FBXO36: variants seen among roughly 807,000 people sequenced by gnomAD.
FBXO36 encodes F-box protein 36.
FBXO36 carries 18 observed loss-of-function variants against 17.0 expected under a neutral mutation model. The observed-to-expected ratio is 1.06, with a 90% CI of 0.73 to 1.57. The LOEUF (loss-of-function observed/expected upper bound fraction) is 1.57, where lower values mean the gene tolerates loss of function less well. Ranked by LOEUF, FBXO36 falls within the 40% of genes most tolerant of loss-of-function variation. The probability of loss-of-function intolerance (pLI) is 0.00; values close to 1 mark genes in which losing one functional copy is unlikely to be tolerated. For synonymous variants in FBXO36, 83 were observed against 85.3 expected, an observed-to-expected ratio of 0.97 and a Z score of 0.15; for missense variants, 229 against 221.9, an observed-to-expected ratio of 1.03 and a Z score of -0.20.
intron 1 of FBXO36, among the ~76,000 whole-genome samples, chr2:229,940,680 G>A (rs1161532575): frequency 6.6e-6 from 1 of 152,180 alleles, no homozygotes; most frequent in African/African-American, 2.4e-5. Context: ...AGAAAGCCAT[G>A]TGATGATGAA....
rs2106221680 is a variant in FBXO36 at position 230,011,015 on chromosome 2, G to A, written c.*131G>A. 2.0e-6 allele frequency: 2 copies of A among 986,290 alleles called. No individual in the cohort carries two copies. Among genetic ancestry groups the A allele is most frequent in the Non-Finnish European group, 2.9e-6 (2 of 687,144 alleles). 61.1% of individuals were successfully genotyped at this position (986,290 alleles called of 1,614,324 possible). A position where few individuals can be genotyped will look rare whatever the true frequency, so the allele number is the denominator to read the frequency against. On this transcript the variant is annotated 3_prime_UTR_variant, in exon 4 of 4. Transcript: ENST00000283946. Reference sequence around the variant, plus strand: ...GCGTGGAGCCATTTGAAACTCGTAGGGGATTTGCACACAAATGCAGCAGAG... The same window carrying A: ...GCGTGGAGCCATTTGAAACTCGTAGAGGATTTGCACACAAATGCAGCAGAG...
chr2:229,999,415 C>A (rs1430949004), intron 3 of FBXO36, among the ~76,000 whole-genome samples: 2 of 151,114 alleles, frequency 1.3e-5, no homozygotes, highest in African/African-American at 2.4e-5. Flanking sequence ...GTGTGAGCCA[C>A]CGCGCCCGGC....
intron 2 of FBXO36, among the ~76,000 whole-genome samples, chr2:229,979,069 C>T (rs1224402093): frequency 6.6e-6 from 1 of 150,618 alleles, no homozygotes; most frequent in Non-Finnish European, 1.5e-5. Context: ...CCCTGCTGCT[C>T]GGGAGGCTGA....
At chr2:229,970,226 A>C (rs2077173961) in intron 1 of FBXO36, among the ~76,000 whole-genome samples, 1 of 152,158 alleles carries the variant, frequency 6.6e-6, no homozygotes, top group African/African-American at 2.4e-5. Context: ...TGTTTATAAA[A>C]ACTTTATTTG....
In FBXO36 at chr2:230,011,598, C is replaced by CTTTTTTTTTTTTTTTTTTTG. The variant is rs5839351; in HGVS notation, c.*731_*732insTTGTTTTTTTTTTTTTTTTT. ...AACCTATAAACATTTCTTTTCTTTT[C>CTTTTTTTTTTTTTTTTTTTG]TTTTTTTTTTTTTTTTTGTATTTTC... On this transcript the variant is annotated 3_prime_UTR_variant, in exon 4 of 4. Coordinates refer to ENST00000283946, the MANE Select transcript of FBXO36 (RefSeq NM_174899.5). 3 of 123,442 alleles carry CTTTTTTTTTTTTTTTTTTTG rather than the reference C, an allele frequency of 2.4e-5. No individual in the cohort carries two copies. Among genetic ancestry groups the CTTTTTTTTTTTTTTTTTTTG allele is most frequent in the Non-Finnish European group, 4.8e-5 (3 of 61,976 alleles). 7.6% of individuals were successfully genotyped at this position (123,442 alleles called of 1,614,324 possible).
At chr2:229,997,349 G>T (rs1483869057) in intron 3 of FBXO36, among the ~76,000 whole-genome samples, 1 of 151,558 alleles carries the variant, frequency 6.6e-6, no homozygotes, top group Non-Finnish European at 1.5e-5. Flanking sequence ...AGGCCGAGGT[G>T]GGTGGATCAC....
intron 1 of FBXO36, among the ~76,000 whole-genome samples, chr2:229,975,829 T>A (rs1443235057): frequency 6.7e-6 from 1 of 148,346 alleles, no homozygotes; most frequent in African/African-American, 2.5e-5. Context: ...GGGCGGGGGA[T>A]GGAGTTTCAC....
At chr2:229,966,806 A>G (rs1485445055) in intron 1 of FBXO36, among the ~76,000 whole-genome samples, 1 of 152,196 alleles carries the variant, frequency 6.6e-6, no homozygotes, top group Non-Finnish European at 1.5e-5. Flanking sequence ...GTTTGAAGTC[A>G]GGTAGCGTGA....
At chr2:229,953,212 G>A (rs1368881862) in intron 1 of FBXO36, among the ~76,000 whole-genome samples, 3 of 152,006 alleles carry the variant, frequency 2.0e-5, no homozygotes, top group East Asian at 1.9e-4. Context: ...GGTGGTAGGC[G>A]CCTGTAATCC....
rs147554419 is a variant in FBXO36, at chr2:229,987,847, T to C, written c.206-8904T>C. ...TGGTGCGCAGGCTGGTCTTGGGACTTATCTCTAACTCCTGGCCTCAAGCGA... is the reference window on the plus strand; with the variant it reads ...TGGTGCGCAGGCTGGTCTTGGGACTCATCTCTAACTCCTGGCCTCAAGCGA... On this transcript the variant is annotated intron_variant, in intron 2 of 3. Transcript: ENST00000283946. Among the ~76,000 whole-genome samples the C allele has an allele frequency of 1.0e-3, 155 of 152,124 alleles. 1 individual carries two copies. The highest frequency in any genetic ancestry group is 2.0e-3 in the Non-Finnish European group (138 of 67,980).
intron 1 of FBXO36, among the ~76,000 whole-genome samples, chr2:229,958,691 C>T (rs2077105155): frequency 6.6e-6 from 1 of 152,144 alleles, no homozygotes; most frequent in African/African-American, 2.4e-5. Context: ...TCACCCCGTC[C>T]CTCTGCACTT....
intron 1 of FBXO36, among the ~76,000 whole-genome samples, chr2:229,963,201 G>A (rs181910161): frequency 6.6e-6 from 1 of 151,884 alleles, no homozygotes; most frequent in African/African-American, 2.4e-5. Flanking sequence ...GAGTAACTGG[G>A]ATTACAGGCA....
rs956865120 is a variant in FBXO36 at position 229,989,338 on chromosome 2, A to G, written c.206-7413A>G. Among the ~76,000 whole-genome samples, 101 of 152,026 alleles carry G rather than the reference A, an allele frequency of 6.6e-4. 1 individual carries two copies. The highest frequency in any genetic ancestry group is 2.4e-3 in the African/African-American group (99 of 41,388). ...AATGGCACAATTTTGGCTCACTGCA[A>G]CCTCTCCCTGCCAGCTTCAAGTGAT... On this transcript the variant is annotated intron_variant, in intron 2 of 3. Transcript: ENST00000283946.
chr2:229,999,678 A>AAT (rs1332243871), intron 3 of FBXO36, among the ~76,000 whole-genome samples: 1 of 151,528 alleles, frequency 6.6e-6, no homozygotes, highest in Non-Finnish European at 1.5e-5. Context: ...TTCCTGTCCA[A>AAT]ATATATATAT....
In FBXO36 at chr2:229,963,606, G is replaced by A. The variant is rs574503544; in HGVS notation, c.97-12635G>A. On this transcript the variant is annotated intron_variant, in intron 1 of 3. Transcript: ENST00000283946. Reference sequence around the variant, plus strand: ...ACTACAGGCGCCCGCCACCATGCCCGGCTAATTTTTTGTATTTTTAGTAGA... The same window carrying A: ...ACTACAGGCGCCCGCCACCATGCCCAGCTAATTTTTTGTATTTTTAGTAGA... Among the ~76,000 whole-genome samples the A allele has an allele frequency of 2.2e-3, 330 of 151,780 alleles. 2 individuals are homozygous for A. The highest frequency in any genetic ancestry group is 7.2e-3 in the African/African-American group (297 of 41,426).
chr2:229,930,244 G>A (rs1314072894), intron 1 of FBXO36, among the ~76,000 whole-genome samples: 1 of 152,200 alleles, frequency 6.6e-6, no homozygotes, highest in East Asian at 1.9e-4. Flanking sequence ...TACGCAGGAG[G>A]CTGAGGCGGG....
intron 1 of FBXO36, among the ~76,000 whole-genome samples, chr2:229,948,134 C>CAAA (rs879538129): frequency 3.4e-5 from 4 of 117,390 alleles, no homozygotes; most frequent in African/African-American, 9.6e-5. Flanking sequence ...CCTTTCTCTA[C>CAAA]AAAAAAAAAA....
At chr2:229,994,924 A>C (rs892575262) in intron 2 of FBXO36, among the ~76,000 whole-genome samples, 1 of 151,126 alleles carries the variant, frequency 6.6e-6, no homozygotes, top group African/African-American at 2.4e-5. Context: ...GACCAGCCTG[A>C]CCAACATGGT....
chr2:229,923,379 C>T (rs909009960), intron 1 of FBXO36: 2 of 152,180 alleles, frequency 1.3e-5, no homozygotes, highest in African/African-American at 4.8e-5. Context: ...TGAGCGGGGC[C>T]TCCATTGGGA....
Sources: gnomAD v4.1 joint callset for allele counts (sites outside exome capture counted in the v4.1 genomes callset) on GRCh38, gnomAD v4.1.1 for gene constraint, MANE v1.5 for transcripts, NCBI Gene and HGNC (gene_info 2026-07-23, HGNC 2026-07-21) for gene names.